SCARB2: variants seen among roughly 807,000 people sequenced by gnomAD.
The protein encoded by SCARB2 is scavenger receptor class B member 2.
SCARB2 carries 29 observed loss-of-function variants against 58.6 expected under a neutral mutation model. The ratio of observed to expected loss-of-function variants is 0.49; its 90% CI spans 0.37 to 0.67. SCARB2 has a LOEUF of 0.67. Ranked by LOEUF, SCARB2 falls within the 30% of genes least tolerant of loss-of-function variation. The pLI is 0.00. For synonymous variants in SCARB2, 195 were observed against 210.1 expected (o/e 0.93, Z 0.62); for missense variants, 488 against 578.5 (o/e 0.84, Z 1.60).
chr4:76,176,212 T>G, intron 5 of SCARB2: 1 of 603,424 alleles, frequency 1.7e-6, no homozygotes, highest in South Asian at 2.0e-5. Flanking sequence ...TTCACTGGCC[T>G]GTAATTCATG....
chr4:76,169,341 C>CACACACACATATAT (rs3217498), intron 8 of SCARB2, among the ~76,000 whole-genome samples: 1 of 151,126 alleles, frequency 6.6e-6, no homozygotes, highest in Non-Finnish European at 1.5e-5. Context: ...CACACACACA[C>CACACACACATATAT]GTGTGTATGT....
At chr4:76,195,644 G>C in intron 2 of SCARB2, 63 bp downstream of exon 2, 1 of 1,431,452 alleles carries the variant, frequency 7.0e-7, no homozygotes, top group Non-Finnish European at 9.9e-7. Flanking sequence ...GAAGAGGCAA[G>C]GACTCAGGCC....
At chr4:76,166,627 C>A (rs190710259) in intron 9 of SCARB2, 2 of 426,410 alleles carry the variant, frequency 4.7e-6, no homozygotes, top group Non-Finnish European at 8.7e-6. Flanking sequence ...TGTAACTAGG[C>A]CACTGAAGTA....
At chr4:76,202,067 C>T (rs1312726081) in intron 1 of SCARB2, among the ~76,000 whole-genome samples, 1 of 152,154 alleles carries the variant, frequency 6.6e-6, no homozygotes, top group African/African-American at 2.4e-5. Context: ...TAAAACATCA[C>T]ATTTATCTAA....
In SCARB2 at chr4:76,213,571, G is replaced by A. The variant is rs779569082; in HGVS notation, c.-28C>T. On this transcript the variant is annotated 5_prime_UTR_variant, in exon 1 of 12. Coordinates refer to ENST00000264896, the MANE Select transcript of SCARB2 (RefSeq NM_005506.4). Reference sequence around the variant, plus strand: ...TGTGCGCCGCTCACGGGCCGGGCCGGGCCGCACCCGCCAGGGATCCAACTG... The same window carrying A: ...TGTGCGCCGCTCACGGGCCGGGCCGAGCCGCACCCGCCAGGGATCCAACTG... 1.5e-5 allele frequency: 23 copies of A among 1,579,370 alleles called. No individual in the cohort carries two copies. The East Asian group carries it at 4.7e-4, about 33-fold the overall frequency.
upstream of SCARB2, chr4:76,217,823 A>G (rs1733240064): frequency 2.5e-6 from 1 of 402,382 alleles, no homozygotes; most frequent in African/African-American, 2.0e-5. Flanking sequence ...TTAATGAATG[A>G]TTGCTGGTGC....
chr4:76,174,807 CCCT>C (rs1732213619), intron 6 of SCARB2: 1 of 158,866 alleles, frequency 6.3e-6, no homozygotes, highest in African/African-American at 2.4e-5. Flanking sequence ...CTCAATCCCC[CCCT>C]CCAAGAAAAA....
Position 76,174,266 on chromosome 4 carries a change from G to A in SCARB2, c.872C>T (p.Pro291Leu). ...FSDYESVQGLPAFRYKVPAEI... is the reference protein window; with the variant it reads ...FSDYESVQGLLAFRYKVPAEI... ...TGCAGGAACTTTATACCGAAAGGCA[G>A]GCAGTCCCTGTACACTCTCATAGTC... Residue 291 changes from proline to leucine, a missense_variant, in exon 7 of 12, where the codon CCT becomes CTT. Coordinates refer to ENST00000264896, the MANE Select transcript of SCARB2 (RefSeq NM_005506.4). 6.2e-7 allele frequency: 1 copy of A among 1,614,150 alleles called. No individual in the cohort carries two copies.
At chr4:76,194,568 A>C (rs531213840) in intron 2 of SCARB2, 2 of 152,316 alleles carry the variant, frequency 1.3e-5, no homozygotes, top group East Asian at 3.9e-4. Flanking sequence ...CCCACCACTG[A>C]GAATAGTACT....
intron 1 of SCARB2, among the ~76,000 whole-genome samples, chr4:76,228,682 T>A: frequency 6.6e-6 from 1 of 152,138 alleles, no homozygotes. Context: ...AGTACCCCAA[T>A]CCTTTCTGGC....
intron 8 of SCARB2, 107 bp from the exon 9 acceptor site, chr4:76,168,583 T>TA: frequency 1.1e-6 from 1 of 892,646 alleles, no homozygotes; most frequent in Non-Finnish European, 1.8e-6. Flanking sequence ...AGGTGACCAT[T>TA]ACCATGTGTG....
chr4:76,184,886 G>A (rs1170221640), intron 2 of SCARB2: 4 of 202,758 alleles, frequency 2.0e-5, no homozygotes, highest in African/African-American at 7.1e-5. Flanking sequence ...ACACTCTCGT[G>A]ACCTGGATCT....
chr4:76,193,757 A>G (rs1044565707), intron 2 of SCARB2: 16 of 152,238 alleles, frequency 1.1e-4, no homozygotes, highest in African/African-American at 3.9e-4. Context: ...GCTTATAGGT[A>G]GAAGGAATTC....
intron 1 of SCARB2, among the ~76,000 whole-genome samples, chr4:76,202,112 A>C (rs759462464): frequency 1.3e-5 from 2 of 152,246 alleles, no homozygotes; most frequent in African/African-American, 2.4e-5. Flanking sequence ...TAAATTATCA[A>C]TCTACAGAAA....
At chr4:76,173,220 C>G (rs569795336) in intron 7 of SCARB2, 25 of 152,266 alleles carry the variant, frequency 1.6e-4, no homozygotes, top group Admixed American at 8.5e-4. Context: ...TTAAGAAACA[C>G]TGGGACATTT....
intron 1 of SCARB2, among the ~76,000 whole-genome samples, chr4:76,219,249 A>G (rs1414898135): frequency 6.6e-6 from 1 of 152,238 alleles, no homozygotes; most frequent in African/African-American, 2.4e-5. Flanking sequence ...GTGGGAGACA[A>G]TGCCTCTGCC....
chr4:76,229,657 C>T (rs1733459365), intron 1 of SCARB2, among the ~76,000 whole-genome samples: 3 of 152,164 alleles, frequency 2.0e-5, no homozygotes, highest in Admixed American at 2.0e-4. Flanking sequence ...CAGGCTGGTG[C>T]TGAGAAATAC....
chr4:76,218,662 G>A (rs547226575), upstream of SCARB2, among the ~76,000 whole-genome samples: 1 of 151,940 alleles, frequency 6.6e-6, no homozygotes, highest in South Asian at 2.1e-4. Context: ...TTTCCTTTTT[G>A]TTCCCCTAAT....
At chr4:76,207,467 T>C (rs143328988) in intron 1 of SCARB2, among the ~76,000 whole-genome samples, 52 of 152,348 alleles carry the variant, frequency 3.4e-4, no homozygotes, top group African/African-American at 1.3e-3. Context: ...GCACACTGCC[T>C]TGCAAATGGT....
Sources: gnomAD v4.1 joint callset for allele counts (sites outside exome capture counted in the v4.1 genomes callset) on GRCh38, gnomAD v4.1.1 for gene constraint, MANE v1.5 for transcripts, NCBI Gene and HGNC (gene_info 2026-07-23, HGNC 2026-07-21) for gene names.